The following MPP2 variants were observed in gnomAD, a reference collection of about 807,000 sequenced individuals.
MPP2 encodes MAGUK p55 scaffold protein 2, also known as MAGUK p55 subfamily member 2.
Under a neutral mutation model 58.5 loss-of-function variants are expected in MPP2, and 42 were observed. The ratio of observed to expected loss-of-function variants is 0.72; its 90% confidence interval spans 0.56 to 0.93. MPP2 has a LOEUF of 0.93. Among genes scored for constraint, MPP2 ranks in the 40% least tolerant of loss-of-function variants. The pLI, the probability that MPP2 is intolerant of heterozygous loss-of-function variation, is 0.00. For missense variants in MPP2, 632 were observed against 760.4 expected (o/e 0.83, Z 1.99); for synonymous variants, 300 against 307.8 (o/e 0.97, Z 0.26).
chr17:43,903,028 G>GT (rs1218559374), intron 2 of MPP2, among the ~76,000 whole-genome samples: 1 of 152,210 alleles, frequency 6.6e-6, no homozygotes, highest in Non-Finnish European at 1.5e-5. Context: ...GCTCATGCCT[G>GT]TAATCCCAGC....
chr17:43,908,946 C>G (rs559389901), upstream of MPP2, among the ~76,000 whole-genome samples: 2 of 152,306 alleles, frequency 1.3e-5, no homozygotes, highest in East Asian at 3.9e-4. Flanking sequence ...GCCATCGAAC[C>G]CAGATAGCTT....
intron 3 of MPP2, among the ~76,000 whole-genome samples, chr17:43,894,920 G>A (rs1280863511): frequency 6.6e-6 from 1 of 151,996 alleles, no homozygotes; most frequent in Non-Finnish European, 1.5e-5. Context: ...TCCAACCTGG[G>A]AGATGGAATA....
chr17:43,889,241 A>T (rs1314845856), intron 3 of MPP2, among the ~76,000 whole-genome samples: 3 of 151,988 alleles, frequency 2.0e-5, no homozygotes, highest in African/African-American at 7.3e-5. Flanking sequence ...TAGATTTTTT[A>T]AATGATATAA....
At chr17:43,895,755 A>C (rs1174471120) in intron 3 of MPP2, among the ~76,000 whole-genome samples, 1 of 152,114 alleles carries the variant, frequency 6.6e-6, no homozygotes, top group Non-Finnish European at 1.5e-5. Context: ...CTCTCACCTC[A>C]GCCTCCAGAG....
At chr17:43,907,829 C>T (rs980020025), upstream of MPP2, 88 of 985,330 alleles carry the variant, frequency 8.9e-5, no homozygotes, top group Non-Finnish European at 2.3e-5. Context: ...GGTAAAAGTG[C>T]CTAATGAGAC....
At chr17:43,882,612 AC>A in intron 5 of MPP2, 101 bp from the exon 6 acceptor site, 11 of 457,990 alleles carry the variant, frequency 2.4e-5, no homozygotes, top group Non-Finnish European at 3.2e-5. Context: ...CTACCCACCC[AC>A]CCCCACCCTC....
chr17:43,877,549 T>A lies in MPP2; in HGVS notation c.*258A>T, dbSNP rs892057635. On this transcript the variant is annotated 3_prime_UTR_variant, in exon 13 of 13. Transcript: ENST00000269095. Reference sequence around the variant, plus strand: ...CTCTGACACATTCCTGGGCATAGCTTGGCCCTCAGAGATATCTGGTGACCA... The same window carrying A: ...CTCTGACACATTCCTGGGCATAGCTAGGCCCTCAGAGATATCTGGTGACCA... 1 of 500,570 alleles carries A rather than the reference T, an allele frequency of 2.0e-6. No individual in the cohort carries two copies. Among genetic ancestry groups the A allele is most frequent in the African/African-American group, 1.9e-5 (1 of 52,320 alleles). The allele number at this position is 500,570 out of a possible 1,614,324, so 31.0% of individuals were successfully genotyped here.
chr17:43,901,106 A>C (rs1254544399), intron 2 of MPP2, among the ~76,000 whole-genome samples: 1 of 152,056 alleles, frequency 6.6e-6, no homozygotes, highest in Non-Finnish European at 1.5e-5. Flanking sequence ...CCTCAGTCTA[A>C]GGAAGTCCCC....
intron 3 of MPP2, among the ~76,000 whole-genome samples, chr17:43,889,817 G>GTT (rs869141658): frequency 1.0e-4 from 2 of 19,114 alleles, no homozygotes; most frequent in Non-Finnish European, 2.8e-4. Context: ...TTTTTTTTTT[G>GTT]TTTTTTTTTT....
At chr17:43,906,048 TC>T (rs2048273677) in intron 1 of MPP2, 3 of 959,460 alleles carry the variant, frequency 3.1e-6, no homozygotes, top group South Asian at 9.7e-5. Context: ...GGAGGAGGGA[TC>T]CCTTCCCTCC....
chr17:43,887,659 T>C lies in MPP2; in HGVS notation c.151-4304A>G, dbSNP rs2047428216. On this transcript the variant is annotated intron_variant, in intron 3 of 12. Transcript: ENST00000269095. Reference sequence around the variant, plus strand: ...TCCAATACCATTTATTAAAAATTCATGGCAGGGCACAATGGCTCACACCTG... The same window carrying C: ...TCCAATACCATTTATTAAAAATTCACGGCAGGGCACAATGGCTCACACCTG... Among the ~76,000 whole-genome samples, 5 of 152,050 alleles carry C rather than the reference T, an allele frequency of 3.3e-5. No homozygotes were observed. The South Asian group carries it at 1.0e-3, about 32-fold the overall frequency.
Position 43,904,448 on chromosome 17 carries a change from C to A in MPP2, c.13G>T (p.Ala5Ser), listed in dbSNP as rs139956472. Residue 5 changes from alanine (A) to serine (S), a missense_variant, in exon 2 of 13, where the codon GCC (alanine) becomes TCC (serine). Transcript: ENST00000269095. ...TTCTTACCAGTTTCAGAGTTGGTGG[C>A]GGCAACCGGCATGGTGAAGGAGGCA... MPVA[A>S]TNSETAMQQV... 8.1e-6 allele frequency: 13 copies of A among 1,613,748 alleles called. No homozygotes were observed. Among genetic ancestry groups the A allele is most frequent in the South Asian group, 1.1e-5 (1 of 91,048 alleles).
chr17:43,875,781 G>A lies in MPP2; in HGVS notation c.*2026C>T, dbSNP rs1215573947. The A allele has an allele frequency of 2.0e-5, 3 of 152,196 alleles. No individual in the cohort carries two copies. The highest frequency in any genetic ancestry group is 4.4e-5 in the Non-Finnish European group (3 of 68,058). 9.4% of individuals were successfully genotyped at this position (152,196 alleles called of 1,614,324 possible). ...TCCCTAGCAGTGAAGGTGCCATGAAGGCCAGGTACCCAACCCATCTCCATC... is the reference window on the plus strand; with the variant it reads ...TCCCTAGCAGTGAAGGTGCCATGAAAGCCAGGTACCCAACCCATCTCCATC... On this transcript the variant is annotated 3_prime_UTR_variant, in exon 13 of 13. Transcript: ENST00000269095.
rs1346035348 is a variant in MPP2, at chr17:43,881,049, A to G, written c.988+41T>C. Reference sequence around the variant, plus strand: ...GGGTGGGGACAGGGAAAGGCATGCCATGTTAGAGGAGGGTAAGGGAGGGGG... The same window carrying G: ...GGGTGGGGACAGGGAAAGGCATGCCGTGTTAGAGGAGGGTAAGGGAGGGGG... On this transcript the variant is annotated intron_variant, in intron 9 of 12. Coordinates refer to ENST00000269095, the MANE Select transcript of MPP2 (RefSeq NM_005374.5). 7.5e-6 allele frequency: 12 copies of G among 1,603,568 alleles called. No individual in the cohort carries two copies. The South Asian group carries it at 1.2e-4, about 16-fold the overall frequency.
At chr17:43,904,535 A>G (rs777191611) in intron 1 of MPP2, 42 bp from the exon 2 acceptor site, 287 of 1,568,548 alleles carry the variant, frequency 1.8e-4, no homozygotes, top group Non-Finnish European at 2.3e-4. Flanking sequence ...ACAAGGGCAA[A>G]GCAATGGGGA....
At chr17:43,888,822 C>T (rs1352461697) in intron 3 of MPP2, among the ~76,000 whole-genome samples, 1 of 152,136 alleles carries the variant, frequency 6.6e-6, no homozygotes, top group East Asian at 1.9e-4. Context: ...GTTTTATACC[C>T]ACAGATATGA....
At chr17:43,881,050 T>G in intron 9 of MPP2, 40 bp downstream of exon 9, 2 of 1,598,180 alleles carry the variant, frequency 1.3e-6, no homozygotes, top group Non-Finnish European at 1.7e-6. Flanking sequence ...AGGCATGCCA[T>G]GTTAGAGGAG....
chr17:43,901,631 G>A, intron 2 of MPP2: 1 of 968,118 alleles, frequency 1.0e-6, no homozygotes, highest in African/African-American at 1.8e-5. Flanking sequence ...ATGGAGGAGA[G>A]ATTTAAAGGG....
chr17:43,886,732 T>C (rs979444360), intron 3 of MPP2, among the ~76,000 whole-genome samples: 3 of 152,176 alleles, frequency 2.0e-5, no homozygotes, highest in Non-Finnish European at 4.4e-5. Flanking sequence ...CACCAGAGTG[T>C]TGATCAAACA....
Sources: gnomAD v4.1 joint callset for allele counts (sites outside exome capture counted in the v4.1 genomes callset) on GRCh38, gnomAD v4.1.1 for gene constraint, MANE v1.5 for transcripts, NCBI Gene and HGNC (gene_info 2026-07-23, HGNC 2026-07-21) for gene names.